The following USF3 variants were observed in gnomAD, a reference collection of about 807,000 sequenced individuals.
The protein encoded by USF3 is upstream transcription factor family member 3.
In USF3, 29 loss-of-function variants were observed where a neutral mutation model predicts 157.5. The ratio of observed to expected loss-of-function variants is 0.18; its 90% CI spans 0.14 to 0.25. USF3 has a LOEUF of 0.25. Ranked by LOEUF, USF3 falls within the 10% of genes least tolerant of loss-of-function variation. The pLI is 1.00. For missense variants in USF3, 2,381 were observed against 2,667.6 expected (o/e 0.89, Z 2.37); for synonymous variants, 893 against 941.4 (o/e 0.95, Z 0.94).
In USF3 at chr3:113,651,729, T is replaced by C. The variant is rs1947263949; in HGVS notation, c.*3215A>G. On this transcript the variant is annotated 3_prime_UTR_variant, in exon 7 of 7. Coordinates refer to ENST00000316407, the MANE Select transcript of USF3 (RefSeq NM_001009899.4). ...AACACTTTCAGAATTAAGCCATGTA[T>C]GAACTGAAGTCTTACATACACATGC... 1 of 152,230 alleles carries C rather than the reference T, an allele frequency of 6.6e-6. No individual in the cohort carries two copies. Among genetic ancestry groups the C allele is most frequent in the South Asian group, 2.1e-4 (1 of 4,836 alleles). The allele number at this position is 152,230 out of a possible 1,614,324, so 9.4% of individuals were successfully genotyped here.
chr3:113,673,219 G>T, intron 4 of USF3, 129 bp downstream of exon 4: 1 of 663,616 alleles, frequency 1.5e-6, no homozygotes, highest in East Asian at 2.9e-5. Flanking sequence ...AAAACAATAA[G>T]GGAACATTTT....
rs1027378766 is a variant in USF3, at chr3:113,654,539, T to C, written c.*405A>G. 2.4e-5 allele frequency: 4 copies of C among 166,612 alleles called. No homozygotes were observed. Among genetic ancestry groups the C allele is most frequent in the African/African-American group, 9.6e-5 (4 of 41,738 alleles). The allele number at this position is 166,612 out of a possible 1,614,324, so 10.3% of individuals were successfully genotyped here. ...GCCAGCACTTGATTATGAGCCACTG[T>C]GTTTTATCAAGCTGCCTATATTTTT... On this transcript the variant is annotated 3_prime_UTR_variant, in exon 7 of 7. Coordinates refer to ENST00000316407, the MANE Select transcript of USF3 (RefSeq NM_001009899.4).
intron 1 of USF3, among the ~76,000 whole-genome samples, chr3:113,680,798 CAAA>C (rs527515104): frequency 8.8e-6 from 1 of 113,532 alleles, no homozygotes. Context: ...ATACTGTCTC[CAAA>C]AAAAAAAAAA....
chr3:113,693,992 G>A (rs923438894), intron 1 of USF3, among the ~76,000 whole-genome samples: 6 of 152,228 alleles, frequency 3.9e-5, no homozygotes, highest in African/African-American at 9.6e-5. Context: ...CTCAGCCAGG[G>A]CTACTGAACA....
In USF3 at chr3:113,656,139, C is replaced by T. The variant is rs1198345615; in HGVS notation, c.5543G>A (p.Cys1848Tyr). ...SLSEHQRNTQ[C>Y]GPSSAIEYNC... ...ATATTCAATTGCAGAGGATGGACCA[C>T]ACTGTGTATTCCTCTGATGTTCTGA... Residue 1848 changes from cysteine (C) to tyrosine (Y), a missense_variant, in exon 7 of 7, where the codon TGT (cysteine) becomes TAT (tyrosine). This residue lies in a region of USF3 where 770 missense variants were observed against 824.2 expected (regional missense o/e 0.93). Coordinates refer to ENST00000316407, the MANE Select transcript of USF3 (RefSeq NM_001009899.4). The T allele has an allele frequency of 5.0e-6, 8 of 1,614,208 alleles. No individual in the cohort carries two copies. The highest frequency in any genetic ancestry group is 1.3e-5 in the African/African-American group (1 of 75,048).
rs1285711220 is a variant in USF3, at chr3:113,650,846, A to AT, written c.*4097dup. On this transcript the variant is annotated 3_prime_UTR_variant, in exon 7 of 7. Coordinates refer to ENST00000316407, the MANE Select transcript of USF3 (RefSeq NM_001009899.4). Reference sequence around the variant, plus strand: ...CCTCCTTTCTCTTTCCCCAGTTCTGATATGTTAAATTTTACGAAGCAAGAC... The same window carrying AT: ...CCTCCTTTCTCTTTCCCCAGTTCTGATTATGTTAAATTTTACGAAGCAAGAC... The AT allele has an allele frequency of 6.6e-6, 1 of 152,176 alleles. No individual in the cohort carries two copies. Among genetic ancestry groups the AT allele is most frequent in the Non-Finnish European group, 1.5e-5 (1 of 68,018 alleles). The allele number at this position is 152,176 out of a possible 1,614,324, so 9.4% of individuals were successfully genotyped here.
At chr3:113,693,678 A>G (rs1421737085) in intron 1 of USF3, among the ~76,000 whole-genome samples, 1 of 152,254 alleles carries the variant, frequency 6.6e-6, no homozygotes, top group African/African-American at 2.4e-5. Context: ...ACACATACAC[A>G]TAGAACTTAA....
Position 113,658,287 on chromosome 3 carries a change from A to C in USF3, c.3395T>G (p.Ile1132Arg). Residue 1132 changes from isoleucine (I) to arginine (R), a missense_variant, in exon 7 of 7, where the codon ATA becomes AGA. Coordinates refer to ENST00000316407, the MANE Select transcript of USF3 (RefSeq NM_001009899.4). ...AATAGCTCTTGCTGCAAGAGCTACT[A>C]TATCAGTTTGCTCTACAAAGGTACA... Reference protein sequence around the residue: ...DSCTFVEQTDIVALAARAIFD... With the variant: ...DSCTFVEQTDRVALAARAIFD... 1 of 1,614,152 alleles carries C rather than the reference A, an allele frequency of 6.2e-7. No individual in the cohort carries two copies. Among genetic ancestry groups the C allele is most frequent in the Non-Finnish European group, 8.5e-7 (1 of 1,179,996 alleles).
At chr3:113,667,710 T>A (rs2107934989) in intron 5 of USF3, among the ~76,000 whole-genome samples, 1 of 151,904 alleles carries the variant, frequency 6.6e-6, no homozygotes, top group East Asian at 1.9e-4. Flanking sequence ...CTACTAAAAA[T>A]ACAAAAATTA....
chr3:113,656,721 G>A lies in USF3; in HGVS notation c.4961C>T (p.Thr1654Ile). The change falls in exon 7 of 7, where the codon ACC becomes ATC. Residue 1654 changes from threonine (T) to isoleucine (I), a missense_variant. By Grantham distance (89) the Thr-to-Ile change is moderately conservative. Coordinates refer to ENST00000316407, the MANE Select transcript of USF3 (RefSeq NM_001009899.4). ...TCTCTCTGGCCTGTGTGGAGTACAG[G>A]TCATGTCTGAAGATCTAGTCACAAT... ...PSIVTRSSDM[T>I]CTPHRPERNR... 6.2e-7 allele frequency: 1 copy of A among 1,614,128 alleles called. No individual in the cohort carries two copies. The highest frequency in any genetic ancestry group is 1.1e-5 in the South Asian group (1 of 91,086).
rs921468784 is a variant in USF3, at chr3:113,696,598, C to G, written c.-363G>C. Reference sequence around the variant, plus strand: ...CCACCGCAGCCGCTGCGAGCCCGAGCCCTCAAGGCCGGAGACCCGGCGGCA... The same window carrying G: ...CCACCGCAGCCGCTGCGAGCCCGAGGCCTCAAGGCCGGAGACCCGGCGGCA... On this transcript the variant is annotated 5_prime_UTR_variant, in exon 1 of 7. Coordinates refer to ENST00000316407, the MANE Select transcript of USF3 (RefSeq NM_001009899.4). The G allele has an allele frequency of 6.6e-6, 1 of 151,076 alleles. No homozygotes were observed. Among genetic ancestry groups the G allele is most frequent in the Non-Finnish European group, 1.5e-5 (1 of 67,656 alleles). 9.4% of individuals were successfully genotyped at this position (151,076 alleles called of 1,614,324 possible). A position where few individuals can be genotyped will look rare whatever the true frequency, so the allele number is the denominator to read the frequency against.
intron 1 of USF3, among the ~76,000 whole-genome samples, chr3:113,678,959 C>A (rs1283692151): frequency 6.6e-6 from 1 of 151,304 alleles, no homozygotes; most frequent in East Asian, 1.9e-4. Flanking sequence ...GGTGTCCAGG[C>A]TGGTCTCTCT....
intron 1 of USF3, among the ~76,000 whole-genome samples, chr3:113,683,856 T>C (rs1707491620): frequency 6.6e-6 from 1 of 152,260 alleles, no homozygotes; most frequent in Non-Finnish European, 1.5e-5. Context: ...TTGATAGATT[T>C]GTCTTTTAGT....
At chr3:113,671,672 C>T (rs944932393) in intron 4 of USF3, among the ~76,000 whole-genome samples, 5 of 151,646 alleles carry the variant, frequency 3.3e-5, no homozygotes, top group Non-Finnish European at 5.9e-5. Context: ...ATGGGTGTGA[C>T]GTGTTTTGCA....
chr3:113,670,879 C>T lies in USF3; in HGVS notation c.77-676G>A, dbSNP rs1262709542. ...GCTCAGGCCTCCCGAATAGCTGGGA[C>T]CACAGGCATGCAGCACCATGCCCAA... is the stretch of plus-strand genomic sequence containing the variant. On this transcript the variant is annotated intron_variant, in intron 4 of 6. Coordinates refer to ENST00000316407, the MANE Select transcript of USF3 (RefSeq NM_001009899.4). 7.9e-5 allele frequency among the ~76,000 whole-genome samples: 12 copies of T among 151,952 alleles called. 1 individual carries two copies. Among genetic ancestry groups the T allele is most frequent in the Admixed American group, 7.9e-4 (12 of 15,260 alleles).
rs1462132591 is a variant in USF3 at position 113,658,791 on chromosome 3, G to A, written c.2891C>T (p.Thr964Ile). The A allele has an allele frequency of 6.2e-7, 1 of 1,614,142 alleles. No homozygotes were observed. Among genetic ancestry groups the A allele is most frequent in the Middle Eastern group, 1.6e-4 (1 of 6,062 alleles). ...ACAGTCAGTACTTGTAGTGCTTGTT[G>A]TAGATGACAAACCAGGAACCTGAGA... ...LVSQVPGLSS[T>I]TSTTSTDCVS... Residue 964 changes from threonine (T) to isoleucine (I), a missense_variant, in exon 7 of 7, where the codon ACA becomes ATA. Transcript: ENST00000316407.
intron 1 of USF3, among the ~76,000 whole-genome samples, chr3:113,688,188 G>A (rs1707600206): frequency 6.6e-6 from 1 of 151,084 alleles, no homozygotes; most frequent in African/African-American, 2.4e-5. Flanking sequence ...GCACGATCTT[G>A]GCTCTGTGCA....
In USF3 at chr3:113,660,756, G is replaced by A. The variant is rs771615561; in HGVS notation, c.926C>T (p.Ala309Val). 18 of 1,614,052 alleles carry A rather than the reference G, an allele frequency of 1.1e-5. No homozygotes were observed. In the East Asian group the frequency reaches 3.6e-4, roughly 32 times the overall value. ...TCCATGGTGCACTTTAGTGGCAGTT[G>A]CTGAGGAGCTGTGGGGGATGTTTGT... ...CVTNIPHSSS[A>V]TATKVHHGNK... is the part of the protein sequence containing the mutation. Residue 309 changes from alanine to valine, a missense_variant, in exon 7 of 7, where the codon GCA becomes GTA. By Grantham distance (64) the Ala-to-Val change is moderately conservative. Around this residue, in one of 6 missense-constraint regions of USF3, gnomAD observed 1,435 missense variants for 1,550.9 expected, o/e 0.93. Transcript: ENST00000316407.
Position 113,655,060 on chromosome 3 carries a change from A to C in USF3, c.6622T>G (p.Ser2208Ala). The C allele has an allele frequency of 6.2e-7, 1 of 1,614,250 alleles. No homozygotes were observed. Among genetic ancestry groups the C allele is most frequent in the Non-Finnish European group, 8.5e-7 (1 of 1,180,038 alleles). The change falls in exon 7 of 7, where the codon TCA becomes GCA. Residue 2208 changes from serine to alanine, a missense_variant. By Grantham distance (99) the Ser-to-Ala change is moderately conservative. This residue lies in a region of USF3 where 770 missense variants were observed against 824.2 expected (regional missense o/e 0.93). Transcript: ENST00000316407. Reference sequence around the variant, plus strand: ...GAATTTGCTATTGTAAGCAAAGGTGACATTGCTGAGCCATCAGGAAGCGCT... The same window carrying C: ...GAATTTGCTATTGTAAGCAAAGGTGCCATTGCTGAGCCATCAGGAAGCGCT... The part of the protein sequence containing the change: ...ATALPDGSAM[S>A]PLLTIANSSA...
Sources: allele counts gnomAD v4.1 joint callset (sites outside exome capture counted in the v4.1 genomes callset), GRCh38; gene constraint gnomAD v4.1.1; regional missense constraint gnomAD v4.1.1; transcripts MANE v1.5; gene names NCBI Gene and HGNC (gene_info 2026-07-23, HGNC 2026-07-21).